The following NAV3 variants were observed in gnomAD, a reference collection of about 807,000 sequenced individuals.
NAV3 encodes the protein pore membrane and/or filament interacting like protein 1.
A neutral mutation model predicts 244.7 loss-of-function variants in NAV3; 87 were observed. The ratio of observed to expected loss-of-function variants is 0.36; its 90% confidence interval spans 0.30 to 0.42. The LOEUF is 0.42. Ranked by LOEUF, NAV3 falls within the 20% of genes least tolerant of loss-of-function variation. The probability of loss-of-function intolerance (pLI) is 1.00; values close to 1 mark genes in which losing one functional copy is unlikely to be tolerated. For missense variants in NAV3, 2,663 were observed against 2,893.3 expected (o/e 0.92, Z 1.83); for synonymous variants, 1,126 against 1,042.2 (o/e 1.08, Z -1.55).
At chr12:77,662,994 GC>G (rs1873534912) in intron 2 of NAV3, among the ~76,000 whole-genome samples, 1 of 152,062 alleles carries the variant, frequency 6.6e-6, no homozygotes, top group South Asian at 2.1e-4. Flanking sequence ...AAATGCTTAT[GC>G]CTTATTATGT....
At chr12:77,944,008 C>G (rs1195676807) in intron 3 of NAV3, among the ~76,000 whole-genome samples, 1 of 151,688 alleles carries the variant, frequency 6.6e-6, no homozygotes, top group Non-Finnish European at 1.5e-5. Flanking sequence ...GCACTGAGTA[C>G]AAAGTATAAT....
intron 2 of NAV3, among the ~76,000 whole-genome samples, chr12:77,697,550 A>G (rs1042375057): frequency 1.3e-5 from 2 of 152,132 alleles, no homozygotes; most frequent in Non-Finnish European, 2.9e-5. Context: ...AACTTCCAGA[A>G]ATATCTTTTT....
chr12:77,951,557 T>C (rs1890884045), intron 3 of NAV3, among the ~76,000 whole-genome samples: 1 of 152,180 alleles, frequency 6.6e-6, no homozygotes, highest in South Asian at 2.1e-4. Flanking sequence ...GACCCAGCCA[T>C]CCTGTTACTT....
chr12:77,660,633 A>G (rs987583481), intron 2 of NAV3, among the ~76,000 whole-genome samples: 1 of 152,188 alleles, frequency 6.6e-6, no homozygotes. Flanking sequence ...TGTATATTAT[A>G]TACGTGCATA....
intron 23 of NAV3, among the ~76,000 whole-genome samples, chr12:78,163,944 A>G (rs1214050755): frequency 6.6e-6 from 1 of 152,098 alleles, no homozygotes; most frequent in African/African-American, 2.4e-5. Flanking sequence ...CTCACCATCT[A>G]GAATGGTACT....
At chr12:78,178,435 A>G (rs1034614391) in intron 28 of NAV3, among the ~76,000 whole-genome samples, 3 of 152,084 alleles carry the variant, frequency 2.0e-5, no homozygotes, top group African/African-American at 7.2e-5. Flanking sequence ...TACTGGGATT[A>G]CAGGTGCGAG....
chr12:77,816,085 G>C (rs965324103), intron 2 of NAV3, among the ~76,000 whole-genome samples: 1 of 152,048 alleles, frequency 6.6e-6, no homozygotes, highest in Admixed American at 6.6e-5. Flanking sequence ...AAAAATTAAG[G>C]GTGAATTGGT....
chr12:78,206,723 A>G (rs1381415717), intron 39 of NAV3, among the ~76,000 whole-genome samples: 1 of 152,142 alleles, frequency 6.6e-6, no homozygotes, highest in African/African-American at 2.4e-5. Flanking sequence ...TCTATTAAAC[A>G]TCTTAAGAAA....
chr12:78,130,150 A>G (rs984060928), intron 18 of NAV3, among the ~76,000 whole-genome samples: 1 of 152,120 alleles, frequency 6.6e-6, no homozygotes, highest in Non-Finnish European at 1.5e-5. Context: ...TAGTTTGGGG[A>G]CTATTTTGCC....
chr12:77,662,243 A>ATCTT (rs879311917), intron 2 of NAV3, among the ~76,000 whole-genome samples: 5 of 151,464 alleles, frequency 3.3e-5, no homozygotes, highest in Non-Finnish European at 7.4e-5. Context: ...CTATCTATCT[A>ATCTT]TCTATCTATC....
chr12:78,088,541 T>C (rs1475087732), intron 12 of NAV3, among the ~76,000 whole-genome samples: 1 of 152,090 alleles, frequency 6.6e-6, no homozygotes, highest in Non-Finnish European at 1.5e-5. Flanking sequence ...AATAGTGTCC[T>C]CATTCTAAAG....
intron 22 of NAV3, among the ~76,000 whole-genome samples, chr12:78,150,631 TCACACACACA>T (rs34534100): frequency 6.8e-4 from 98 of 144,322 alleles, no homozygotes; most frequent in East Asian, 4.2e-3. Flanking sequence ...AAAAGCTTCC[TCACACACACA>T]CACACACACA....
chr12:77,888,024 G>GTTTTTTT (rs1555223631), intron 1 of NAV3, among the ~76,000 whole-genome samples: 6 of 148,452 alleles, frequency 4.0e-5, no homozygotes, highest in Admixed American at 6.7e-5. Flanking sequence ...AAGTTGTTGA[G>GTTTTTTT]TTTTTTTTTT....
chr12:78,004,811 G>A (rs558982732), intron 7 of NAV3, among the ~76,000 whole-genome samples: 4 of 152,234 alleles, frequency 2.6e-5, no homozygotes, highest in South Asian at 4.2e-4. Flanking sequence ...GATTTAGAGC[G>A]GAGCTTCAGG....
At chr12:77,681,043 G>T (rs1162339971) in intron 2 of NAV3, among the ~76,000 whole-genome samples, 1 of 152,120 alleles carries the variant, frequency 6.6e-6, no homozygotes, top group Non-Finnish European at 1.5e-5. Flanking sequence ...AACTTTTTCT[G>T]AAGTCATTGG....
chr12:77,963,484 G>A (rs762001472), intron 3 of NAV3, among the ~76,000 whole-genome samples: 1 of 152,080 alleles, frequency 6.6e-6, no homozygotes, highest in Non-Finnish European at 1.5e-5. Context: ...AGAATTAAGT[G>A]GGGAAAAGGT....
chr12:77,664,969 T>C (rs778754838), intron 2 of NAV3, among the ~76,000 whole-genome samples: 3 of 152,174 alleles, frequency 2.0e-5, no homozygotes, highest in Non-Finnish European at 4.4e-5. Context: ...GGAGTTGCAG[T>C]GGCTATTCCT....
intron 22 of NAV3, among the ~76,000 whole-genome samples, chr12:78,157,735 T>A (rs1957364433): frequency 6.6e-6 from 1 of 151,884 alleles, no homozygotes; most frequent in Non-Finnish European, 1.5e-5. Context: ...CTAACAAATT[T>A]GGTGTATAAA....
At chr12:77,775,350 C>T (rs12232015) in intron 2 of NAV3, among the ~76,000 whole-genome samples, 80,288 of 150,598 alleles carry the variant, frequency 0.53, 21,544 homozygotes, top group South Asian at 0.65. Flanking sequence ...CGAGATTGCA[C>T]CATTGTACTC....
Sources: allele counts gnomAD v4.1 joint callset (sites outside exome capture counted in the v4.1 genomes callset), GRCh38; gene constraint gnomAD v4.1.1; transcripts MANE v1.5; gene names NCBI Gene and HGNC (gene_info 2026-07-23, HGNC 2026-07-21).